The following RBM44 variants were observed in gnomAD, a reference collection of about 807,000 sequenced individuals.
RBM44 encodes the protein RNA-binding protein 44.
In RBM44, 66 loss-of-function variants were observed where a neutral mutation model predicts 105.1. The ratio of observed to expected loss-of-function variants is 0.63; its 90% CI spans 0.52 to 0.77. The LOEUF (loss-of-function observed/expected upper bound fraction) is 0.77, where lower values mean the gene tolerates loss of function less well. Among genes scored for constraint, RBM44 ranks in the 30% least tolerant of loss-of-function variants. The pLI is 0.00. For synonymous variants in RBM44, 365 were observed against 417.6 expected (o/e 0.87, Z 1.54); for missense variants, 1,122 against 1,207.8 (o/e 0.93, Z 1.05).
chr2:237,835,151 C>T (rs62196142), intron 15 of RBM44, among the ~76,000 whole-genome samples: 19,739 of 152,144 alleles, frequency 0.13, 1,678 homozygotes, highest in East Asian at 0.41. Context: ...TTTTGGGGCA[C>T]TTTGAACTGC....
At chr2:237,822,625 C>A (rs4663793) in intron 8 of RBM44, among the ~76,000 whole-genome samples, 19,805 of 151,890 alleles carry the variant, frequency 0.13, 1,694 homozygotes, top group East Asian at 0.41. Flanking sequence ...TTTAAAAAAT[C>A]TCAGTTATCC....
chr2:237,835,947 A>G (rs1243087355), intron 15 of RBM44, among the ~76,000 whole-genome samples: 1 of 152,190 alleles, frequency 6.6e-6, no homozygotes, highest in Non-Finnish European at 1.5e-5. Context: ...TGAAGCAGCA[A>G]ATGCTGATGT....
At chr2:237,811,917 C>T (rs1158056067) in intron 1 of RBM44, among the ~76,000 whole-genome samples, 1 of 152,102 alleles carries the variant, frequency 6.6e-6, no homozygotes, top group Non-Finnish European at 1.5e-5. Context: ...TGCATTAGTG[C>T]AATCTCAGCT....
At chr2:237,831,440 C>T (rs1032211274) in intron 13 of RBM44, among the ~76,000 whole-genome samples, 1 of 152,056 alleles carries the variant, frequency 6.6e-6, no homozygotes, top group African/African-American at 2.4e-5. Flanking sequence ...ACTACCTTGC[C>T]TGGCTAATTT....
chr2:237,820,763 TG>T, intron 5 of RBM44: 1 of 273,556 alleles, frequency 3.7e-6, no homozygotes, highest in Non-Finnish European at 6.7e-6. Context: ...TAGAACCAAG[TG>T]GGGTTGGGCA....
At chr2:237,800,993 A>G (rs2061540035) in intron 1 of RBM44, among the ~76,000 whole-genome samples, 1 of 152,202 alleles carries the variant, frequency 6.6e-6, no homozygotes, top group South Asian at 2.1e-4. Flanking sequence ...TGTTGGGATT[A>G]CAGGTGTGAG....
At position 237,817,802 on chromosome 2, in the gene RBM44, G is replaced by T; in HGVS notation, c.883G>T (p.Asp295Tyr). The T allele has an allele frequency of 2.5e-6, 4 of 1,611,202 alleles. No homozygotes were observed. Among genetic ancestry groups the T allele is most frequent in the Non-Finnish European group, 3.4e-6 (4 of 1,178,194 alleles). Reference sequence around the variant, plus strand: ...TAATTCAATGTACCACACTGTATTTGATGGCAGTGTACTAAGAAGCAATTC... The same window carrying T: ...TAATTCAATGTACCACACTGTATTTTATGGCAGTGTACTAAGAAGCAATTC... ...ETNSMYHTVF[D>Y]GSVLRSNSPG... is the part of the protein sequence containing the mutation. The change falls in exon 3 of 16, where the codon GAT becomes TAT. Residue 295 changes from aspartate (D) to tyrosine (Y), a missense_variant. Transcript: ENST00000316997.
intron 10 of RBM44, 89 bp from the exon 11 acceptor site, chr2:237,827,161 G>C: frequency 1.3e-6 from 1 of 771,240 alleles, no homozygotes; most frequent in South Asian, 1.8e-5. Flanking sequence ...TAGTAGAAAG[G>C]AAACAAAATA....
At chr2:237,824,186 ACT>A in intron 9 of RBM44, 103 bp from the exon 10 acceptor site, 1 of 944,082 alleles carries the variant, frequency 1.1e-6, no homozygotes, top group South Asian at 2.7e-5. Context: ...TATACATAAA[ACT>A]CTAGTAGTCA....
intron 1 of RBM44, among the ~76,000 whole-genome samples, chr2:237,802,991 G>A (rs2061561033): frequency 6.6e-6 from 1 of 152,194 alleles, no homozygotes; most frequent in South Asian, 2.1e-4. Context: ...TTTTGGCCAG[G>A]TGCACTGGCT....
chr2:237,804,440 C>T (rs749062042), intron 1 of RBM44, among the ~76,000 whole-genome samples: 2 of 152,210 alleles, frequency 1.3e-5, no homozygotes, highest in Non-Finnish European at 2.9e-5. Context: ...ACAGCCTTGC[C>T]AGCATCTGTT....
At chr2:237,828,830 C>T (rs558519394) in intron 12 of RBM44, among the ~76,000 whole-genome samples, 51 of 147,992 alleles carry the variant, frequency 3.4e-4, no homozygotes, top group African/African-American at 1.2e-3. Context: ...CACATTTAAG[C>T]CTTTAAGTTA....
At chr2:237,833,506 C>G (rs2150989151) in intron 13 of RBM44, among the ~76,000 whole-genome samples, 1 of 152,306 alleles carries the variant, frequency 6.6e-6, no homozygotes, top group Non-Finnish European at 1.5e-5. Flanking sequence ...AATTTGTATT[C>G]ATTACATACA....
In RBM44 at chr2:237,823,514, T is replaced by C. The variant is rs1297109993; in HGVS notation, c.2280T>C (p.Asp760=). The change falls in exon 9 of 16, where the codon GAT becomes GAC. Residue 760 remains aspartate (D), a synonymous_variant. Coordinates refer to ENST00000316997, the MANE Select transcript of RBM44 (RefSeq NM_001080504.3). ...SPKKDDFKNG[D]INADFSQLKL... ...AGAAAGATGACTTTAAAAATGGTGA[T>C]ATAAATGCAGACTTTAGTCAACTGA... is the stretch of plus-strand genomic sequence containing the variant. 6.5e-7 allele frequency: 1 copy of C among 1,537,860 alleles called. No homozygotes were observed. Among genetic ancestry groups the C allele is most frequent in the African/African-American group, 1.4e-5 (1 of 73,054 alleles).
At chr2:237,820,875 C>T (rs1001962242) in intron 5 of RBM44, 196 bp from the exon 6 acceptor site, 2 of 463,386 alleles carry the variant, frequency 4.3e-6, no homozygotes. Flanking sequence ...TAATAGGACC[C>T]CCGTCTCTAC....
chr2:237,801,420 G>C (rs901185261), intron 1 of RBM44, among the ~76,000 whole-genome samples: 1 of 152,114 alleles, frequency 6.6e-6, no homozygotes, highest in African/African-American at 2.4e-5. Flanking sequence ...CATCTCCTGG[G>C]CTCAAGTGAT....
At chr2:237,810,496 C>T (rs896456080) in intron 1 of RBM44, among the ~76,000 whole-genome samples, 2 of 152,154 alleles carry the variant, frequency 1.3e-5, no homozygotes, top group African/African-American at 4.8e-5. Context: ...GTCATTTTTC[C>T]AAGTCTCACC....
intron 2 of RBM44, among the ~76,000 whole-genome samples, chr2:237,815,002 G>A (rs2061700298): frequency 6.6e-6 from 1 of 151,668 alleles, no homozygotes; most frequent in East Asian, 1.9e-4. Flanking sequence ...GAAGACTGAT[G>A]CACTTAACTA....
chr2:237,826,037 T>C lies in RBM44; in HGVS notation c.2450-1213T>C, dbSNP rs578178024. Among the ~76,000 whole-genome samples the C allele has an allele frequency of 2.6e-5, 4 of 152,232 alleles. No individual in the cohort carries two copies. In the South Asian group the frequency reaches 8.3e-4, roughly 32 times the overall value. On this transcript the variant is annotated intron_variant, in intron 10 of 15. Coordinates refer to ENST00000316997, the MANE Select transcript of RBM44 (RefSeq NM_001080504.3). ...CTTATCTGTAAAATGAAAATAATAATAGCTACCTTGTGGCGTGGTTGTGAG... is the reference window on the plus strand; with the variant it reads ...CTTATCTGTAAAATGAAAATAATAACAGCTACCTTGTGGCGTGGTTGTGAG...
Sources: gnomAD v4.1 joint callset for allele counts (sites outside exome capture counted in the v4.1 genomes callset) on GRCh38, gnomAD v4.1.1 for gene constraint, MANE v1.5 for transcripts, NCBI Gene and HGNC (gene_info 2026-07-23, HGNC 2026-07-21) for gene names.